Variants in ARID5B observed in about 807,000 individuals in gnomAD.
ARID5B encodes the protein AT-rich interaction domain 5B.
In ARID5B, 13 loss-of-function variants were observed where a neutral mutation model predicts 97.2. The ratio of observed to expected loss-of-function variants is 0.13; its 90% CI spans 0.09 to 0.21. The LOEUF (loss-of-function observed/expected upper bound fraction) is 0.21. Among genes scored for constraint, ARID5B ranks in the 10% least tolerant of loss-of-function variants. The pLI, the probability that ARID5B is intolerant of heterozygous loss-of-function variation, is 1.00. For missense variants in ARID5B, 1,210 were observed against 1,465.3 expected, an observed-to-expected ratio of 0.83 and a Z score of 2.84; for synonymous variants, 556 against 570.3, an observed-to-expected ratio of 0.97 and a Z score of 0.36.
chr10:61,938,932 C>T (rs1374237159), intron 2 of ARID5B, among the ~76,000 whole-genome samples: 1 of 146,794 alleles, frequency 6.8e-6, no homozygotes, highest in Non-Finnish European at 1.5e-5. Context: ...GTGAAGCTTA[C>T]CCTAATAACC....
intron 4 of ARID5B, among the ~76,000 whole-genome samples, chr10:62,006,398 C>T (rs1404644859): frequency 7.2e-5 from 11 of 152,096 alleles, no homozygotes; most frequent in East Asian, 5.8e-4. Context: ...GCCAAGATCG[C>T]GCCATTGTAC....
chr10:62,049,609 GTGGGAAGGGGATCC>G, intron 4 of ARID5B: 1 of 1,309,484 alleles, frequency 7.6e-7, no homozygotes, highest in Middle Eastern at 1.8e-4. Flanking sequence ...GAGAGCGGGT[GTGGGAAGGGGATCC>G]TAAGCCCTAA....
intron 4 of ARID5B, among the ~76,000 whole-genome samples, chr10:62,038,882 GT>G (rs1839598780): frequency 6.6e-6 from 1 of 152,154 alleles, no homozygotes; most frequent in Non-Finnish European, 1.5e-5. Flanking sequence ...GCTAGAAATG[GT>G]TTTAATATCA....
At chr10:61,905,018 C>T (rs1843687127) in intron 2 of ARID5B, among the ~76,000 whole-genome samples, 1 of 152,236 alleles carries the variant, frequency 6.6e-6, no homozygotes, top group Non-Finnish European at 1.5e-5. Flanking sequence ...ACAGGGCCCT[C>T]TCATTAAGAA....
chr10:62,075,571 GC>G (rs1840119677), intron 8 of ARID5B, among the ~76,000 whole-genome samples: 1 of 152,184 alleles, frequency 6.6e-6, no homozygotes, highest in African/African-American at 2.4e-5. Context: ...AGGACGACTC[GC>G]CACATGTCTG....
intron 4 of ARID5B, among the ~76,000 whole-genome samples, chr10:62,045,392 T>TA (rs1839693034): frequency 6.6e-6 from 1 of 151,674 alleles, no homozygotes; most frequent in African/African-American, 2.4e-5. Flanking sequence ...TAAATTAGGG[T>TA]AGGTTACTCC....
At position 61,971,640 on chromosome 10, in the gene ARID5B, T is replaced by C. The variant is rs1838629167; in HGVS notation, c.503-28451T>C. 2.6e-5 allele frequency among the ~76,000 whole-genome samples: 4 copies of C among 152,368 alleles called. No homozygotes were observed. In the South Asian group the frequency reaches 6.2e-4, roughly 24 times the overall value. On this transcript the variant is annotated intron_variant, in intron 3 of 9. Coordinates refer to ENST00000279873, the MANE Select transcript of ARID5B (RefSeq NM_032199.3). ...GCACAATACAGAAAATGAACCTTCATGTAAACTGTAGTCATTATTATAATA... is the reference window on the plus strand; with the variant it reads ...GCACAATACAGAAAATGAACCTTCACGTAAACTGTAGTCATTATTATAATA...
intron 3 of ARID5B, among the ~76,000 whole-genome samples, chr10:61,979,889 C>T (rs1340497111): frequency 5.3e-5 from 8 of 152,042 alleles, no homozygotes; most frequent in African/African-American, 1.7e-4. Flanking sequence ...GTCAGGAGTT[C>T]GAGATCAGCC....
At chr10:61,914,938 A>G (rs1843875008) in intron 2 of ARID5B, among the ~76,000 whole-genome samples, 1 of 152,172 alleles carries the variant, frequency 6.6e-6, no homozygotes, top group Non-Finnish European at 1.5e-5. Flanking sequence ...CCAGTGGGCG[A>G]GCTTAGTTTC....
At chr10:61,946,660 C>CA (rs750572893) in intron 3 of ARID5B, among the ~76,000 whole-genome samples, 2 of 152,196 alleles carry the variant, frequency 1.3e-5, no homozygotes, top group Non-Finnish European at 2.9e-5. Context: ...CAGTGGCTCA[C>CA]ACCTGTAATC....
Position 62,085,721 on chromosome 10 carries a change from A to C in ARID5B, c.1219A>C (p.Arg407=). The C allele has an allele frequency of 6.2e-7, 1 of 1,608,250 alleles. No individual in the cohort carries two copies. Residue 407 remains arginine (R), a synonymous_variant, in exon 9 of 10, where the codon AGA becomes CGA. Transcript: ENST00000279873. ...TTTTAGATTAATCCTACCATATGAAAGATTTATTAAAGGAGAAGAAGATAA... is the reference window on the plus strand; with the variant it reads ...TTTTAGATTAATCCTACCATATGAACGATTTATTAAAGGAGAAGAAGATAA... ...HYERLILPYE[R]FIKGEEDKPL...
intron 4 of ARID5B, among the ~76,000 whole-genome samples, chr10:62,035,000 T>G (rs1271729584): frequency 2.0e-5 from 3 of 152,202 alleles, no homozygotes; most frequent in Non-Finnish European, 2.9e-5. Flanking sequence ...TTGAGAGTCT[T>G]GGCAAAACAG....
intron 3 of ARID5B, among the ~76,000 whole-genome samples, chr10:61,954,846 A>G (rs1172584724): frequency 1.3e-5 from 2 of 151,996 alleles, no homozygotes; most frequent in African/African-American, 4.8e-5. Flanking sequence ...ATCTCTACTA[A>G]ATATATAAAA....
rs569211514 is a variant in ARID5B, at chr10:62,069,715, C to G, written c.1117C>G (p.Gln373Glu). Residue 373 changes from glutamine (Q) to glutamate (E), a missense_variant, in exon 8 of 10, where the codon CAG becomes GAG. This residue lies in a region of ARID5B where 59 missense variants were observed against 156.7 expected (regional missense o/e 0.38). Transcript: ENST00000279873. Reference protein sequence around the residue: ...GGYETITARRQWKHIYDELGG... With the variant: ...GGYETITARREWKHIYDELGG... ...ATTTTTTCAGATAACAGCCCGCCGT[C>G]AGTGGAAACATATTTATGATGAATT... 6.2e-7 allele frequency: 1 copy of G among 1,614,072 alleles called. No individual in the cohort carries two copies. The highest frequency in any genetic ancestry group is 8.5e-7 in the Non-Finnish European group (1 of 1,179,960).
Position 62,004,033 on chromosome 10 carries a change from G to T in ARID5B, c.733+3712G>T, listed in dbSNP as rs928915977. Among the ~76,000 whole-genome samples the T allele has an allele frequency of 3.3e-5, 5 of 152,138 alleles. No individual in the cohort carries two copies. In the South Asian group the frequency reaches 1.0e-3, roughly 32 times the overall value. On this transcript the variant is annotated intron_variant, in intron 4 of 9. Transcript: ENST00000279873. Reference sequence around the variant, plus strand: ...AGAATAGATGAAATTTCATCATTTAGTCCAACATTACAGTAGTGTCATTTT... The same window carrying T: ...AGAATAGATGAAATTTCATCATTTATTCCAACATTACAGTAGTGTCATTTT...
chr10:62,092,666 G>T lies in ARID5B; in HGVS notation c.3203G>T (p.Gly1068Val), dbSNP rs747279944. Residue 1068 changes from glycine (G) to valine (V), a missense_variant, in exon 10 of 10, where the codon GGC becomes GTC. Coordinates refer to ENST00000279873, the MANE Select transcript of ARID5B (RefSeq NM_032199.3). ...GGGCATTCCGGGGGCGGATCAGAAG[G>T]CCACAAGCTTCCCCTCTCCTCCCCT... ...HGGHSGGGSE[G>V]HKLPLSSPIF... The T allele has an allele frequency of 6.2e-7, 1 of 1,614,040 alleles. No individual in the cohort carries two copies. The highest frequency in any genetic ancestry group is 1.1e-5 in the South Asian group (1 of 91,072).
At chr10:62,087,600 A>G (rs1369700601) in intron 9 of ARID5B, among the ~76,000 whole-genome samples, 1 of 151,766 alleles carries the variant, frequency 6.6e-6, no homozygotes, top group African/African-American at 2.4e-5. Flanking sequence ...CCCAGAGGGA[A>G]TTTTGATGCT....
intron 8 of ARID5B, among the ~76,000 whole-genome samples, chr10:62,074,540 T>A (rs994021485): frequency 6.6e-6 from 1 of 151,276 alleles, no homozygotes; most frequent in South Asian, 2.1e-4. Flanking sequence ...AAGATAAGCA[T>A]GTGCTTTAAG....
intron 8 of ARID5B, among the ~76,000 whole-genome samples, chr10:62,083,028 A>G (rs940965493): frequency 2.0e-5 from 3 of 151,850 alleles, no homozygotes; most frequent in Admixed American, 1.3e-4. Context: ...AAGGGGGGGA[A>G]AAAACACTCG....
Sources: allele counts gnomAD v4.1 joint callset (sites outside exome capture counted in the v4.1 genomes callset), GRCh38; gene constraint gnomAD v4.1.1; regional missense constraint gnomAD v4.1.1; transcripts MANE v1.5; gene names NCBI Gene and HGNC (gene_info 2026-07-23, HGNC 2026-07-21).